The following DNMBP variants were observed in gnomAD, a reference collection of about 807,000 sequenced individuals.
DNMBP encodes dynamin binding protein, also known as dynamin-binding protein.
DNMBP carries 87 observed loss-of-function variants against 150.0 expected under a neutral mutation model. That is an observed-to-expected ratio of 0.58 (90% CI 0.49 to 0.69). The LOEUF (loss-of-function observed/expected upper bound fraction) is 0.69, where lower values mean the gene tolerates loss of function less well. Ranked by LOEUF, DNMBP falls within the 30% of genes least tolerant of loss-of-function variation. The pLI is 0.00. For missense variants in DNMBP, 1,774 were observed against 1,949.0 expected (o/e 0.91, Z 1.69); for synonymous variants, 711 against 750.4 (o/e 0.95, Z 0.86).
At chr10:99,906,575 C>T (rs2039828130) in intron 6 of DNMBP, among the ~76,000 whole-genome samples, 1 of 152,184 alleles carries the variant, frequency 6.6e-6, no homozygotes, top group Non-Finnish European at 1.5e-5. Context: ...CTCTTGCGTG[C>T]TCTCTCTCAT....
At chr10:99,944,274 G>A (rs547886357) in intron 4 of DNMBP, among the ~76,000 whole-genome samples, 4 of 152,242 alleles carry the variant, frequency 2.6e-5, no homozygotes, top group African/African-American at 9.6e-5. Context: ...ATTAATCAAC[G>A]TGTAGCTAGT....
chr10:99,979,653 T>C (rs1028929514), intron 1 of DNMBP, among the ~76,000 whole-genome samples: 2 of 152,324 alleles, frequency 1.3e-5, no homozygotes, highest in Non-Finnish European at 2.9e-5. Flanking sequence ...AGGAAGGCTA[T>C]AAACCATATT....
At chr10:99,940,317 T>TG (rs923063050) in intron 4 of DNMBP, among the ~76,000 whole-genome samples, 3 of 152,210 alleles carry the variant, frequency 2.0e-5, no homozygotes, top group Non-Finnish European at 4.4e-5. Flanking sequence ...TGTATAATCT[T>TG]GGGGAGGTTA....
chr10:99,877,349 G>C lies in DNMBP; in HGVS notation c.4549-13C>G, dbSNP rs565690630. The C allele has an allele frequency of 2.5e-6, 4 of 1,590,884 alleles. No individual in the cohort carries two copies. The Admixed American group carries it at 5.3e-5, about 21-fold the overall frequency. On this transcript the variant is annotated splice_polypyrimidine_tract_variant and intron_variant, in intron 16 of 16. Coordinates refer to ENST00000324109, the MANE Select transcript of DNMBP (RefSeq NM_015221.4). ...CAGCAAAATAGACCTGTGTGAGGGAGAGAGAGAAAATGGGAAATTGCTGGG... is the reference window on the plus strand; with the variant it reads ...CAGCAAAATAGACCTGTGTGAGGGACAGAGAGAAAATGGGAAATTGCTGGG...
At position 99,885,790 on chromosome 10, in the gene DNMBP, A is replaced by C; in HGVS notation, c.3695T>G (p.Leu1232Arg). The C allele has an allele frequency of 6.2e-7, 1 of 1,612,296 alleles. No individual in the cohort carries two copies. Among genetic ancestry groups the C allele is most frequent in the Non-Finnish European group, 8.5e-7 (1 of 1,179,358 alleles). Residue 1232 changes from leucine (L) to arginine (R), a missense_variant, in exon 14 of 17, where the codon CTC becomes CGC. Coordinates refer to ENST00000324109, the MANE Select transcript of DNMBP (RefSeq NM_015221.4). ...HEEHSRVLQQ[L>R]QVFTFFPESL... ...CTCCGGGAAGAAGGTAAAAACCTGGAGTTGCTGCAGAACTCTGCTGTGCTC... is the reference window on the plus strand; with the variant it reads ...CTCCGGGAAGAAGGTAAAAACCTGGCGTTGCTGCAGAACTCTGCTGTGCTC...
intron 4 of DNMBP, among the ~76,000 whole-genome samples, chr10:99,936,812 C>T (rs1390075749): frequency 6.6e-6 from 1 of 152,138 alleles, no homozygotes; most frequent in African/African-American, 2.4e-5. Context: ...TCAAGGGAGC[C>T]TCCCACCTCA....
chr10:99,928,525 C>G (rs946681948), intron 4 of DNMBP, among the ~76,000 whole-genome samples: 4 of 152,088 alleles, frequency 2.6e-5, no homozygotes, highest in Non-Finnish European at 5.9e-5. Flanking sequence ...ACAGAGAGTT[C>G]AGTAATTATA....
At chr10:99,985,959 C>T (rs2040823081) in intron 1 of DNMBP, among the ~76,000 whole-genome samples, 1 of 152,086 alleles carries the variant, frequency 6.6e-6, no homozygotes, top group South Asian at 2.1e-4. Flanking sequence ...TCATGTTGGC[C>T]AGGCTGGTCT....
At chr10:99,908,510 C>G (rs1035837624) in intron 5 of DNMBP, among the ~76,000 whole-genome samples, 1 of 152,232 alleles carries the variant, frequency 6.6e-6, no homozygotes, top group African/African-American at 2.4e-5. Flanking sequence ...CATTGTTACC[C>G]TTTTCTTACT....
chr10:99,899,164 G>A (rs2039702397), intron 7 of DNMBP, among the ~76,000 whole-genome samples: 1 of 151,682 alleles, frequency 6.6e-6, no homozygotes, highest in Non-Finnish European at 1.5e-5. Context: ...ATTCCAGCCT[G>A]GACGACAGAG....
intron 4 of DNMBP, among the ~76,000 whole-genome samples, chr10:99,932,071 CAA>C (rs1201735365): frequency 2.6e-5 from 4 of 152,170 alleles, no homozygotes; most frequent in East Asian, 1.9e-4. Flanking sequence ...CAATGGAAAG[CAA>C]AGAGTCATGA....
At chr10:100,000,858 GCAA>G (rs769945756) in intron 1 of DNMBP, among the ~76,000 whole-genome samples, 21 of 55,080 alleles carry the variant, frequency 3.8e-4, no homozygotes, top group African/African-American at 1.1e-3. Flanking sequence ...ACCTGTTATG[GCAA>G]AAAAAAAAAA....
At chr10:99,923,131 C>G (rs1205647186) in intron 4 of DNMBP, among the ~76,000 whole-genome samples, 1 of 152,094 alleles carries the variant, frequency 6.6e-6, no homozygotes, top group African/African-American at 2.4e-5. Context: ...TGGCTCACAC[C>G]TGTAATCCTA....
intron 4 of DNMBP, among the ~76,000 whole-genome samples, chr10:99,943,102 T>C (rs1455927497): frequency 1.3e-5 from 2 of 152,010 alleles, no homozygotes; most frequent in Non-Finnish European, 2.9e-5. Context: ...CTGGCCAACA[T>C]GGCAAAGCCC....
intron 1 of DNMBP, among the ~76,000 whole-genome samples, chr10:99,992,885 A>G (rs573743850): frequency 6.6e-6 from 1 of 152,220 alleles, no homozygotes; most frequent in South Asian, 2.1e-4. Flanking sequence ...TCTACAAAAA[A>G]TACAAAAAAT....
At chr10:99,997,416 C>T (rs2040961388) in intron 1 of DNMBP, among the ~76,000 whole-genome samples, 1 of 152,114 alleles carries the variant, frequency 6.6e-6, no homozygotes, top group Non-Finnish European at 1.5e-5. Flanking sequence ...AAAGACTCCT[C>T]AGAAATGACC....
chr10:99,947,033 C>T (rs2040364986), intron 4 of DNMBP, among the ~76,000 whole-genome samples: 1 of 152,056 alleles, frequency 6.6e-6, no homozygotes, highest in South Asian at 2.1e-4. Flanking sequence ...CCATCTTACA[C>T]CAGTCAGAAT....
At chr10:99,999,069 C>G (rs1305049494) in intron 1 of DNMBP, among the ~76,000 whole-genome samples, 1 of 152,168 alleles carries the variant, frequency 6.6e-6, no homozygotes, top group African/African-American at 2.4e-5. Context: ...GAGAGGGGCT[C>G]CCTGAGCAGT....
intron 7 of DNMBP, 161 bp downstream of exon 7, chr10:99,899,758 T>C: frequency 3.6e-6 from 3 of 840,150 alleles, no homozygotes; most frequent in Non-Finnish European, 5.8e-6. Context: ...ATAAAACTTA[T>C]TCACATGGAC....
Sources: gnomAD v4.1 joint callset for allele counts (sites outside exome capture counted in the v4.1 genomes callset) on GRCh38, gnomAD v4.1.1 for gene constraint, MANE v1.5 for transcripts, NCBI Gene and HGNC (gene_info 2026-07-23, HGNC 2026-07-21) for gene names.